Variants in MRAP2 observed in about 807,000 individuals in gnomAD.
The protein encoded by MRAP2 is melanocortin-2 receptor accessory protein 2.
In MRAP2, 20 loss-of-function variants were observed where a neutral mutation model predicts 17.4. The observed-to-expected ratio is 1.15, with a 90% CI of 0.81 to 1.67. The LOEUF is 1.67. Ranked by LOEUF, MRAP2 falls within the 40% of genes most tolerant of loss-of-function variation. MRAP2 has a pLI of 0.00. For synonymous variants in MRAP2, 96 were observed against 88.4 expected (o/e 1.09, Z -0.48); for missense variants, 238 against 240.0 (o/e 0.99, Z 0.05).
At chr6:84,115,345 C>T in the MRAP2 span, among the ~76,000 whole-genome samples, 5 of 152,178 alleles carry the variant, frequency 3.3e-5, no homozygotes, top group Admixed American at 1.3e-4. Flanking sequence ...TCACCTAGTT[C>T]GAACTTCTCA....
rs886534028 is a variant in MRAP2, at chr6:84,045,459, GA to G, written c.-7-9842del. ...CCCTTCATTGAAAATGAAGAAGCCT[GA>G]AAAAAAAAAATATACACACAGGCTG... On this transcript the variant is annotated intron_variant, in intron 1 of 3. Transcript: ENST00000257776. 3.5e-3 allele frequency among the ~76,000 whole-genome samples: 520 copies of G among 147,234 alleles called. 2 individuals carry two copies. The highest frequency in any genetic ancestry group is 4.8e-3 in the Non-Finnish European group (316 of 66,452).
chr6:84,125,173 C>A, the MRAP2 span: 1 of 1,613,540 alleles, frequency 6.2e-7, no homozygotes, highest in Non-Finnish European at 8.5e-7. Flanking sequence ...TAGTTCTGTG[C>A]GGAACTTCTC....
At chr6:84,064,759 T>C (rs538427447) in intron 3 of MRAP2, among the ~76,000 whole-genome samples, 7 of 152,264 alleles carry the variant, frequency 4.6e-5, no homozygotes, top group East Asian at 1.9e-4. Context: ...AGTGCTGGGA[T>C]TACAGGCGTG....
the MRAP2 span, among the ~76,000 whole-genome samples, chr6:84,139,517 C>T: frequency 6.6e-6 from 1 of 152,144 alleles, no homozygotes; most frequent in Non-Finnish European, 1.5e-5. Flanking sequence ...AAAAATTTTT[C>T]CTTCCTGACA....
chr6:84,101,825 G>A, the MRAP2 span, among the ~76,000 whole-genome samples: 1 of 152,116 alleles, frequency 6.6e-6, no homozygotes, highest in Non-Finnish European at 1.5e-5. Flanking sequence ...GCAGTCATTT[G>A]CCTTTAAGCC....
the MRAP2 span, among the ~76,000 whole-genome samples, chr6:84,112,118 C>T: frequency 6.6e-6 from 1 of 152,084 alleles, no homozygotes; most frequent in African/African-American, 2.4e-5. Flanking sequence ...CTGGCCTCCT[C>T]AAATGAGTTA....
At chr6:84,126,149 T>C in the MRAP2 span, among the ~76,000 whole-genome samples, 3 of 152,104 alleles carry the variant, frequency 2.0e-5, no homozygotes, top group Non-Finnish European at 4.4e-5. Context: ...AAGAACATGA[T>C]ACAAGTTTTT....
intron 1 of MRAP2, among the ~76,000 whole-genome samples, chr6:84,040,198 TCTC>T (rs979450114): frequency 6.6e-6 from 1 of 152,202 alleles, no homozygotes; most frequent in Admixed American, 6.5e-5. Flanking sequence ...CACTCTGACT[TCTC>T]CTTGCTGCCG....
chr6:84,037,929 G>A (rs144045012), intron 1 of MRAP2, among the ~76,000 whole-genome samples: 149 of 152,330 alleles, frequency 9.8e-4, no homozygotes, highest in East Asian at 7.3e-3. Context: ...AAGCATGGCC[G>A]GAGCAGACAC....
chr6:84,112,322 G>A, the MRAP2 span, among the ~76,000 whole-genome samples: 1 of 152,094 alleles, frequency 6.6e-6, no homozygotes, highest in African/African-American at 2.4e-5. Context: ...TCTTCCTGGT[G>A]TAGACTTGGG....
chr6:84,099,862 CT>C, the MRAP2 span, among the ~76,000 whole-genome samples: 1,227 of 145,122 alleles, frequency 8.5e-3, 4 homozygotes, highest in Middle Eastern at 0.011. Context: ...TTCTCTCTCT[CT>C]TTTTTTTTTT....
intron 3 of MRAP2, among the ~76,000 whole-genome samples, chr6:84,088,866 A>T (rs2099501120): frequency 6.6e-6 from 1 of 152,106 alleles, no homozygotes. Context: ...TGTTTTCGGG[A>T]TGATCTGGGG....
At chr6:84,138,035 C>A in the MRAP2 span, among the ~76,000 whole-genome samples, 1 of 152,290 alleles carries the variant, frequency 6.6e-6, no homozygotes, top group African/African-American at 2.4e-5. Context: ...TGGGAATCAT[C>A]TTTGCTTTAT....
chr6:84,143,207 A>AT, the MRAP2 span, among the ~76,000 whole-genome samples: 2 of 152,028 alleles, frequency 1.3e-5, no homozygotes, highest in African/African-American at 4.8e-5. Context: ...ACATAACCTT[A>AT]TCTACCTTGG....
intron 3 of MRAP2, among the ~76,000 whole-genome samples, chr6:84,069,686 A>T (rs957691695): frequency 3.9e-5 from 6 of 152,196 alleles, no homozygotes; most frequent in Admixed American, 3.9e-4. Flanking sequence ...TCTTCTTTGA[A>T]TGTCTGGTAG....
chr6:84,039,935 C>A (rs1274699908), intron 1 of MRAP2, among the ~76,000 whole-genome samples: 1 of 152,090 alleles, frequency 6.6e-6, no homozygotes, highest in African/African-American at 2.4e-5. Flanking sequence ...ATTCTATCTT[C>A]TGTGGGGAAA....
At chr6:84,087,333 C>T (rs2099500748) in intron 3 of MRAP2, among the ~76,000 whole-genome samples, 1 of 152,204 alleles carries the variant, frequency 6.6e-6, no homozygotes, top group African/African-American at 2.4e-5. Context: ...TGATTGACCT[C>T]TCCAAAGGAG....
intron 1 of MRAP2, among the ~76,000 whole-genome samples, chr6:84,051,651 A>G (rs529400978): frequency 2.6e-5 from 4 of 152,300 alleles, no homozygotes; most frequent in South Asian, 4.1e-4. Context: ...TCAGCCAGGG[A>G]GGTCAATGCT....
chr6:84,117,985 C>G, the MRAP2 span, among the ~76,000 whole-genome samples: 1 of 152,188 alleles, frequency 6.6e-6, no homozygotes, highest in East Asian at 1.9e-4. Flanking sequence ...AATATGCAGT[C>G]TAGCTGCATT....
Sources: allele counts gnomAD v4.1 joint callset (sites outside exome capture counted in the v4.1 genomes callset), GRCh38; gene constraint gnomAD v4.1.1; transcripts MANE v1.5; gene names NCBI Gene and HGNC (gene_info 2026-07-23, HGNC 2026-07-21).